Variants in LRRC69 observed in about 807,000 individuals in gnomAD.
LRRC69 encodes the protein leucine rich repeat containing 69.
In LRRC69, 42 loss-of-function variants were observed where a neutral mutation model predicts 37.8. That is an observed-to-expected ratio of 1.11 (90% CI 0.87 to 1.44). The LOEUF (loss-of-function observed/expected upper bound fraction) is 1.44. LRRC69 is among the 40% of genes most tolerant of loss of function. The pLI is 0.00. For synonymous variants in LRRC69, 141 were observed against 143.1 expected, an observed-to-expected ratio of 0.99 and a Z score of 0.11; for missense variants, 357 against 401.9, an observed-to-expected ratio of 0.89 and a Z score of 0.96.
intron 6 of LRRC69, among the ~76,000 whole-genome samples, chr8:91,197,154 GGGGGTCA>G (rs766620593): frequency 6.6e-6 from 1 of 152,190 alleles, no homozygotes; most frequent in South Asian, 2.1e-4. Flanking sequence ...TAGGCTACTC[GGGGGTCA>G]GGGGTCAGGG....
chr8:91,125,674 T>A (rs1813703034), intron 2 of LRRC69, among the ~76,000 whole-genome samples: 1 of 151,736 alleles, frequency 6.6e-6, no homozygotes, highest in African/African-American at 2.4e-5. Flanking sequence ...CAACCTGATA[T>A]ACATAAACAA....
intron 5 of LRRC69, among the ~76,000 whole-genome samples, chr8:91,136,306 G>A (rs374188988): frequency 6.6e-6 from 1 of 151,984 alleles, no homozygotes. Context: ...ATAATGAGAA[G>A]TCCATCTATC....
At chr8:91,162,112 G>T (rs2130566641) in intron 5 of LRRC69, among the ~76,000 whole-genome samples, 1 of 151,440 alleles carries the variant, frequency 6.6e-6, no homozygotes, top group South Asian at 2.1e-4. Context: ...ATTGTGATCT[G>T]AAAGATACTT....
intron 1 of LRRC69, among the ~76,000 whole-genome samples, chr8:91,123,392 T>G (rs1813663275): frequency 6.6e-6 from 1 of 152,054 alleles, no homozygotes; most frequent in African/African-American, 2.4e-5. Flanking sequence ...TGTTATAAAT[T>G]AGGATAATGG....
intron 3 of LRRC69, among the ~76,000 whole-genome samples, chr8:91,132,851 C>A (rs1178511023): frequency 6.6e-6 from 1 of 151,922 alleles, no homozygotes; most frequent in African/African-American, 2.4e-5. Flanking sequence ...ATATAATTTT[C>A]TTTTTCTGAA....
At chr8:91,160,430 A>G (rs1338998527) in intron 5 of LRRC69, among the ~76,000 whole-genome samples, 1 of 150,916 alleles carries the variant, frequency 6.6e-6, no homozygotes, top group Non-Finnish European at 1.5e-5. Flanking sequence ...CAGTACTGAC[A>G]TGGTTTGGCT....
At chr8:91,174,949 A>G (rs779079919) in intron 5 of LRRC69, among the ~76,000 whole-genome samples, 1 of 152,034 alleles carries the variant, frequency 6.6e-6, no homozygotes, top group Non-Finnish European at 1.5e-5. Context: ...TCTTAGATTG[A>G]GAGAAGAGAG....
chr8:91,196,177 C>G (rs1809596472), intron 6 of LRRC69, among the ~76,000 whole-genome samples: 1 of 151,986 alleles, frequency 6.6e-6, no homozygotes, highest in Admixed American at 6.6e-5. Flanking sequence ...TTGGCCCCCA[C>G]TCTCTTCTGG....
intron 5 of LRRC69, among the ~76,000 whole-genome samples, chr8:91,182,080 G>T (rs1809334749): frequency 6.6e-6 from 1 of 152,098 alleles, no homozygotes; most frequent in Non-Finnish European, 1.5e-5. Context: ...AATGAAGAAA[G>T]GGTTTTCTAG....
At chr8:91,163,450 C>T (rs1206232387) in intron 5 of LRRC69, among the ~76,000 whole-genome samples, 1 of 151,046 alleles carries the variant, frequency 6.6e-6, no homozygotes, top group East Asian at 2.0e-4. Context: ...TTATCATAGC[C>T]TTTGTCTGAT....
At chr8:91,107,009 C>T (rs1439840235) in intron 1 of LRRC69, among the ~76,000 whole-genome samples, 1 of 151,636 alleles carries the variant, frequency 6.6e-6, no homozygotes, top group Non-Finnish European at 1.5e-5. Context: ...ACTTTGTCAC[C>T]CAGGCTGGTC....
chr8:91,214,371 A>G (rs1357165679), intron 7 of LRRC69, among the ~76,000 whole-genome samples: 1 of 152,178 alleles, frequency 6.6e-6, no homozygotes, highest in Non-Finnish European at 1.5e-5. Context: ...ACAGACTGGC[A>G]TGGAAAAGAA....
At chr8:91,171,500 C>T (rs1266199731) in intron 5 of LRRC69, among the ~76,000 whole-genome samples, 1 of 152,034 alleles carries the variant, frequency 6.6e-6, no homozygotes, top group Non-Finnish European at 1.5e-5. Context: ...TTTTTTACCT[C>T]ATGGGCCAGA....
chr8:91,144,449 T>C (rs1808582372), intron 5 of LRRC69, among the ~76,000 whole-genome samples: 1 of 152,044 alleles, frequency 6.6e-6, no homozygotes, highest in Non-Finnish European at 1.5e-5. Context: ...CTCCTTTCCC[T>C]GGCTCCTTGC....
intron 2 of LRRC69, 120 bp from the exon 3 acceptor site, chr8:91,126,968 A>C (rs1391817819): frequency 2.8e-5 from 20 of 705,334 alleles, no homozygotes; most frequent in Non-Finnish European, 4.8e-5. Flanking sequence ...TGTTACCACC[A>C]CCAAAAGAGC....
chr8:91,109,137 G>A (rs1415538181), intron 1 of LRRC69, among the ~76,000 whole-genome samples: 2 of 143,968 alleles, frequency 1.4e-5, no homozygotes, highest in Non-Finnish European at 3.1e-5. Flanking sequence ...TGGTACAAGG[G>A]CACATAGTAC....
At chr8:91,103,530 A>G (rs1177741639) in intron 1 of LRRC69, among the ~76,000 whole-genome samples, 3 of 152,032 alleles carry the variant, frequency 2.0e-5, no homozygotes, top group African/African-American at 7.2e-5. Context: ...GGCAAGGGAT[A>G]TTAACTTTGT....
At chr8:91,143,933 CATTACTCT>C (rs1353321142) in intron 5 of LRRC69, among the ~76,000 whole-genome samples, 36 of 152,038 alleles carry the variant, frequency 2.4e-4, no homozygotes, top group Admixed American at 6.6e-4. Context: ...GAGGTAACTC[CATTACTCT>C]ATGTCTCACT....
chr8:91,125,213 CTAATG>C (rs1167683355), intron 2 of LRRC69, among the ~76,000 whole-genome samples: 1 of 151,662 alleles, frequency 6.6e-6, no homozygotes, highest in African/African-American at 2.4e-5. Context: ...GCTTTATCAA[CTAATG>C]TAAGGTACTT....
Sources: allele counts gnomAD v4.1 joint callset (sites outside exome capture counted in the v4.1 genomes callset), GRCh38; gene constraint gnomAD v4.1.1; transcripts MANE v1.5; gene names NCBI Gene and HGNC (gene_info 2026-07-23, HGNC 2026-07-21).